The following SGCZ variants were observed in gnomAD, a reference collection of about 807,000 sequenced individuals.
The protein encoded by SGCZ is sarcoglycan zeta.
Under a neutral mutation model 41.3 loss-of-function variants are expected in SGCZ, and 40 were observed. The ratio of observed to expected loss-of-function variants is 0.97; its 90% CI spans 0.75 to 1.26. The LOEUF (loss-of-function observed/expected upper bound fraction) is 1.26. Ranked by LOEUF, SGCZ falls within the 50% of genes most tolerant of loss-of-function variation. The probability of loss-of-function intolerance (pLI) is 0.00; values close to 1 mark genes in which losing one functional copy is unlikely to be tolerated. For missense variants in SGCZ, 552 were observed against 369.8 expected, an observed-to-expected ratio of 1.49 and a Z score of -4.04; for synonymous variants, 206 against 137.5, an observed-to-expected ratio of 1.50 and a Z score of -3.49.
intron 1 of SGCZ, among the ~76,000 whole-genome samples, chr8:15,072,187 T>A (rs1805378998): frequency 6.6e-6 from 1 of 152,064 alleles, no homozygotes; most frequent in Non-Finnish European, 1.5e-5. Flanking sequence ...TCGTCCCCAG[T>A]AAAGGAAGGG....
intron 1 of SGCZ, among the ~76,000 whole-genome samples, chr8:15,200,978 CTCT>C (rs759320865): frequency 3.3e-4 from 50 of 152,086 alleles, no homozygotes; most frequent in Non-Finnish European, 2.5e-4. Flanking sequence ...ATAACAAACT[CTCT>C]CCCTTCCCCC....
chr8:14,187,964 T>A (rs1478560772), intron 4 of SGCZ, among the ~76,000 whole-genome samples: 2 of 152,118 alleles, frequency 1.3e-5, no homozygotes, highest in African/African-American at 2.4e-5. Context: ...TCATTGGTTA[T>A]AAGGAATGCT....
chr8:14,604,374 T>C (rs1386883247), intron 1 of SGCZ, among the ~76,000 whole-genome samples: 1 of 152,188 alleles, frequency 6.6e-6, no homozygotes, highest in Admixed American at 6.5e-5. Context: ...ATTATTGATG[T>C]CTGCCATGGG....
Position 14,361,304 on chromosome 8 carries a change from T to C in SGCZ, c.235-37100A>G, listed in dbSNP as rs537836042. ...TTCTAACTTGGTTCCATTCTCCCCA[T>C]CACTTTCAGGTACAGCAATCAAACG... On this transcript the variant is annotated intron_variant, in intron 2 of 7. Coordinates refer to ENST00000382080, the MANE Select transcript of SGCZ (RefSeq NM_139167.4). 1.3e-3 allele frequency among the ~76,000 whole-genome samples: 204 copies of C among 152,314 alleles called. 1 individual carries two copies. Among genetic ancestry groups the C allele is most frequent in the African/African-American group, 4.8e-3 (199 of 41,578 alleles).
At chr8:14,928,989 T>G (rs1039578376) in intron 1 of SGCZ, among the ~76,000 whole-genome samples, 1 of 152,106 alleles carries the variant, frequency 6.6e-6, no homozygotes, top group Non-Finnish European at 1.5e-5. Flanking sequence ...ATTTATTTAT[T>G]TACTTACTTA....
chr8:14,939,569 C>T (rs1480839883), intron 1 of SGCZ, among the ~76,000 whole-genome samples: 7 of 152,086 alleles, frequency 4.6e-5, no homozygotes, highest in Non-Finnish European at 1.0e-4. Flanking sequence ...AGCACAGTCG[C>T]TTCATCAAAG....
intron 1 of SGCZ, among the ~76,000 whole-genome samples, chr8:15,202,903 G>A (rs1195366826): frequency 6.6e-6 from 1 of 152,032 alleles, no homozygotes; most frequent in Non-Finnish European, 1.5e-5. Context: ...CTGAGGTCGG[G>A]AGTTCAAGAC....
chr8:14,096,573 G>A (rs1363633238), intron 7 of SGCZ, among the ~76,000 whole-genome samples: 1 of 152,006 alleles, frequency 6.6e-6, no homozygotes, highest in Non-Finnish European at 1.5e-5. Context: ...TTCTTTTTTT[G>A]TTGTGTCTCT....
chr8:14,394,173 T>C (rs2117225707), intron 2 of SGCZ, among the ~76,000 whole-genome samples: 1 of 137,168 alleles, frequency 7.3e-6, no homozygotes, highest in African/African-American at 2.9e-5. Context: ...TTTTTTGAGA[T>C]TTAGTCTCAC....
chr8:14,654,915 T>C (rs1331847769), intron 1 of SGCZ, among the ~76,000 whole-genome samples: 1 of 152,038 alleles, frequency 6.6e-6, no homozygotes, highest in Admixed American at 6.6e-5. Context: ...TCTATTTTTC[T>C]CAGCCTCCCA....
intron 1 of SGCZ, among the ~76,000 whole-genome samples, chr8:14,646,631 C>A (rs773621872): frequency 6.6e-6 from 1 of 150,740 alleles, no homozygotes; most frequent in African/African-American, 2.5e-5. Context: ...TGAGAAATTT[C>A]TGAACTTCTT....
At chr8:15,012,815 A>G (rs1802889837) in intron 1 of SGCZ, among the ~76,000 whole-genome samples, 1 of 150,646 alleles carries the variant, frequency 6.6e-6, no homozygotes, top group Admixed American at 6.7e-5. Flanking sequence ...ATATATACGT[A>G]TACAAGAATC....
rs530249394 is a variant in SGCZ at position 14,669,418 on chromosome 8, C to T, written c.40-114492G>A. On this transcript the variant is annotated intron_variant, in intron 1 of 7. Transcript: ENST00000382080. ...ATAAATAAATAAATAAATAGGGTTC[C>T]ATTACTTACTAATCTTGAATAACTA... Among the ~76,000 whole-genome samples the T allele has an allele frequency of 2.1e-5, 3 of 144,818 alleles. No individual in the cohort carries two copies. In the East Asian group the frequency reaches 6.0e-4, roughly 29 times the overall value.
rs28712885 is a variant in SGCZ, at chr8:14,158,732, C to T, written c.547+5848G>A. On this transcript the variant is annotated intron_variant, in intron 5 of 7. Coordinates refer to ENST00000382080, the MANE Select transcript of SGCZ (RefSeq NM_139167.4). ...AGCAAGGAGACAAAGTAACTACGAC[C>T]AAGTCTTGCATACCATATTCTATAT... Among the ~76,000 whole-genome samples, 439 of 152,212 alleles carry T rather than the reference C, an allele frequency of 2.9e-3. 2 individuals carry two copies. Among genetic ancestry groups the T allele is most frequent in the African/African-American group, 9.9e-3 (411 of 41,540 alleles).
At chr8:14,210,755 C>G (rs1001504681) in intron 4 of SGCZ, among the ~76,000 whole-genome samples, 16 of 152,200 alleles carry the variant, frequency 1.1e-4, no homozygotes, top group African/African-American at 3.9e-4. Context: ...GCGTGAGCCA[C>G]TGCACCCAGC....
At chr8:15,179,382 T>C (rs752858379) in intron 1 of SGCZ, among the ~76,000 whole-genome samples, 59 of 152,182 alleles carry the variant, frequency 3.9e-4, no homozygotes, top group Non-Finnish European at 6.9e-4. Flanking sequence ...ATTTTGTATT[T>C]TCTGGAATTA....
At position 14,900,329 on chromosome 8, in the gene SGCZ, C is replaced by A. The variant is rs188224080; in HGVS notation, c.39+337256G>T. On this transcript the variant is annotated intron_variant, in intron 1 of 7. Transcript: ENST00000382080. ...TTTTTCTAATGAATGATGTGATAAACCCCCAACGGCTCTAGATTCTACCAT... is the reference window on the plus strand; with the variant it reads ...TTTTTCTAATGAATGATGTGATAAAACCCCAACGGCTCTAGATTCTACCAT... Among the ~76,000 whole-genome samples the A allele has an allele frequency of 1.8e-3, 281 of 152,064 alleles. 2 individuals are homozygous for A. The highest frequency in any genetic ancestry group is 3.6e-3 in the Admixed American group (55 of 15,268).
chr8:15,160,915 C>T (rs1021017280), intron 1 of SGCZ, among the ~76,000 whole-genome samples: 22 of 152,272 alleles, frequency 1.4e-4, no homozygotes, highest in African/African-American at 4.3e-4. Context: ...AGTACACTGG[C>T]GTAATCTGGT....
chr8:14,921,602 A>G (rs1046103689), intron 1 of SGCZ, among the ~76,000 whole-genome samples: 2 of 152,128 alleles, frequency 1.3e-5, no homozygotes, highest in African/African-American at 4.8e-5. Flanking sequence ...AACAACTCCA[A>G]TCAGCCATCG....
Sources: allele counts gnomAD v4.1 joint callset (sites outside exome capture counted in the v4.1 genomes callset), GRCh38; gene constraint gnomAD v4.1.1; transcripts MANE v1.5; gene names NCBI Gene and HGNC (gene_info 2026-07-23, HGNC 2026-07-21).